The following MACROD2 variants were observed in gnomAD, a reference collection of about 807,000 sequenced individuals.
MACROD2 encodes the protein ADP-ribose glycohydrolase MACROD2.
MACROD2 carries 36 observed loss-of-function variants against 70.4 expected under a neutral mutation model. The observed-to-expected ratio is 0.51, with a 90% CI of 0.39 to 0.68. The LOEUF (loss-of-function observed/expected upper bound fraction) is 0.68. Among genes scored for constraint, MACROD2 ranks in the 30% least tolerant of loss-of-function variants. The pLI, the probability that MACROD2 is intolerant of heterozygous loss-of-function variation, is 0.00. For missense variants in MACROD2, 496 were observed against 538.4 expected (o/e 0.92, Z 0.78); for synonymous variants, 172 against 178.8 (o/e 0.96, Z 0.30).
intron 15 of MACROD2, among the ~76,000 whole-genome samples, chr20:16,020,587 G>A (rs1442891243): frequency 6.7e-6 from 1 of 150,000 alleles, no homozygotes; most frequent in Non-Finnish European, 1.5e-5. Context: ...CGTAACGAAA[G>A]CAAAGTGGCC....
intron 4 of MACROD2, among the ~76,000 whole-genome samples, chr20:14,495,000 A>G (rs569060462): frequency 6.6e-6 from 1 of 152,324 alleles, no homozygotes; most frequent in South Asian, 2.1e-4. Context: ...AATTGAGTCT[A>G]TGTAAACACA....
intron 8 of MACROD2, among the ~76,000 whole-genome samples, chr20:15,697,574 G>C (rs1379390331): frequency 6.6e-6 from 1 of 152,182 alleles, no homozygotes; most frequent in African/African-American, 2.4e-5. Flanking sequence ...AAGTCCATTT[G>C]TTCTAAGGTA....
intron 5 of MACROD2, among the ~76,000 whole-genome samples, chr20:14,769,008 T>C (rs1486361315): frequency 6.6e-6 from 1 of 152,114 alleles, no homozygotes; most frequent in Non-Finnish European, 1.5e-5. Flanking sequence ...AAGATAATTC[T>C]TAATCTATTA....
intron 4 of MACROD2, among the ~76,000 whole-genome samples, chr20:14,539,578 C>G (rs921056513): frequency 1.3e-5 from 2 of 148,610 alleles, no homozygotes; most frequent in Non-Finnish European, 3.0e-5. Flanking sequence ...TATCAGCACT[C>G]ATGCCACTAA....
intron 8 of MACROD2, among the ~76,000 whole-genome samples, chr20:15,656,129 G>A (rs567673737): frequency 1.3e-5 from 2 of 152,204 alleles, no homozygotes; most frequent in South Asian, 2.1e-4. Flanking sequence ...TCTGGGGGCC[G>A]AATAAAAAGT....
At chr20:14,958,241 T>C (rs2074554227) in intron 5 of MACROD2, among the ~76,000 whole-genome samples, 1 of 152,210 alleles carries the variant, frequency 6.6e-6, no homozygotes, top group African/African-American at 2.4e-5. Flanking sequence ...TCAGTATTTT[T>C]CTATAAATGA....
chr20:15,036,462 A>G (rs1323414902), intron 5 of MACROD2, among the ~76,000 whole-genome samples: 1 of 152,128 alleles, frequency 6.6e-6, no homozygotes, highest in Non-Finnish European at 1.5e-5. Flanking sequence ...AAACTCTGGT[A>G]TCCCCCTTCC....
chr20:15,402,801 T>C (rs940410572), intron 6 of MACROD2, among the ~76,000 whole-genome samples: 1 of 152,246 alleles, frequency 6.6e-6, no homozygotes, highest in African/African-American at 2.4e-5. Context: ...AAATAAGGCC[T>C]TCTGCTTTAA....
intron 5 of MACROD2, among the ~76,000 whole-genome samples, chr20:14,725,361 A>G (rs1488895954): frequency 6.6e-6 from 1 of 152,140 alleles, no homozygotes; most frequent in East Asian, 1.9e-4. Context: ...TAAGCAGAGA[A>G]TGGAGATGGA....
chr20:16,008,595 G>A (rs530430682), intron 15 of MACROD2, among the ~76,000 whole-genome samples: 1 of 152,244 alleles, frequency 6.6e-6, no homozygotes, highest in African/African-American at 2.4e-5. Context: ...CTTGGTTTCC[G>A]CATCTGTAAA....
intron 5 of MACROD2, among the ~76,000 whole-genome samples, chr20:15,197,346 A>G (rs1172640092): frequency 6.6e-6 from 1 of 152,044 alleles, no homozygotes; most frequent in Non-Finnish European, 1.5e-5. Context: ...ATGTGTTTTC[A>G]TAGTTTTATA....
At chr20:15,221,834 T>C (rs1409365572) in intron 5 of MACROD2, among the ~76,000 whole-genome samples, 1 of 152,216 alleles carries the variant, frequency 6.6e-6, no homozygotes, top group Non-Finnish European at 1.5e-5. Context: ...CATTATCACA[T>C]TCTCATGTAA....
chr20:15,935,563 C>T (rs2065646076), intron 11 of MACROD2, among the ~76,000 whole-genome samples: 1 of 152,168 alleles, frequency 6.6e-6, no homozygotes, highest in South Asian at 2.1e-4. Context: ...TATAGCTCTG[C>T]AGGCCTCTTA....
intron 5 of MACROD2, among the ~76,000 whole-genome samples, chr20:15,185,312 T>C (rs1168092877): frequency 1.3e-5 from 2 of 152,300 alleles, no homozygotes; most frequent in Middle Eastern, 3.4e-3. Context: ...TAATATAATA[T>C]TCTTTTGAAT....
chr20:14,540,730 ATCC>A (rs2085422023), intron 4 of MACROD2, among the ~76,000 whole-genome samples: 1 of 152,176 alleles, frequency 6.6e-6, no homozygotes, highest in Non-Finnish European at 1.5e-5. Flanking sequence ...GAGCAAGAAA[ATCC>A]TATATCAAGG....
chr20:15,948,167 C>A (rs1479141707), intron 12 of MACROD2, among the ~76,000 whole-genome samples: 1 of 151,916 alleles, frequency 6.6e-6, no homozygotes, highest in East Asian at 1.9e-4. Context: ...AAGCATGGGG[C>A]TTGCAACTTA....
Position 15,475,979 on chromosome 20 carries a change from T to C in MACROD2, c.572-23795T>C, listed in dbSNP as rs538138398. ...AAATATATTGCAAAAAAAGGAACCATAGGCGAACAAAGAAAGGGAGGAGAT... is the reference window on the plus strand; with the variant it reads ...AAATATATTGCAAAAAAAGGAACCACAGGCGAACAAAGAAAGGGAGGAGAT... On this transcript the variant is annotated intron_variant, in intron 7 of 17. Transcript: ENST00000684519. Among the ~76,000 whole-genome samples, 21 of 152,346 alleles carry C rather than the reference T, an allele frequency of 1.4e-4. No homozygotes were observed. In the East Asian group the frequency reaches 2.5e-3, roughly 18 times the overall value.
intron 2 of MACROD2, among the ~76,000 whole-genome samples, chr20:14,008,573 C>T (rs1014710435): frequency 1.4e-4 from 22 of 152,154 alleles, no homozygotes; most frequent in African/African-American, 4.3e-4. Context: ...AGTACTATTC[C>T]TATTAAACTA....
intron 8 of MACROD2, among the ~76,000 whole-genome samples, chr20:15,713,371 T>G (rs1461453685): frequency 6.6e-6 from 1 of 152,212 alleles, no homozygotes; most frequent in Non-Finnish European, 1.5e-5. Context: ...GTTCTCACAC[T>G]GATGTAAAGA....
Sources: allele counts gnomAD v4.1 joint callset (sites outside exome capture counted in the v4.1 genomes callset), GRCh38; gene constraint gnomAD v4.1.1; transcripts MANE v1.5; gene names NCBI Gene and HGNC (gene_info 2026-07-23, HGNC 2026-07-21).